ZMYND8: variants seen among roughly 807,000 people sequenced by gnomAD.
The protein encoded by ZMYND8 is zinc finger MYND-type containing 8.
ZMYND8 carries 37 observed loss-of-function variants against 140.8 expected under a neutral mutation model. The ratio of observed to expected loss-of-function variants is 0.26; its 90% confidence interval spans 0.20 to 0.35. ZMYND8 has a LOEUF of 0.35. Among genes scored for constraint, ZMYND8 ranks in the 10% least tolerant of loss-of-function variants. The probability of loss-of-function intolerance (pLI) is 1.00; values close to 1 mark genes in which losing one functional copy is unlikely to be tolerated. For missense variants in ZMYND8, 1,068 were observed against 1,570.0 expected, an observed-to-expected ratio of 0.68 and a Z score of 5.40; for synonymous variants, 592 against 597.1, an observed-to-expected ratio of 0.99 and a Z score of 0.12.
Position 47,276,737 on chromosome 20 carries a change from T to G in ZMYND8, c.1057A>C (p.Lys353Gln). The part of the protein sequence containing the change: ...LMSKEIPFSV[K>Q]KTKSIFNSAM... ...CTGTTGAAGATGCTCTTAGTCTTTT[T>G]CACAGAAAAAGGAATTTCTTTAGAC... The change falls in exon 11 of 23, where the codon AAA becomes CAA. Residue 353 changes from lysine to glutamine, a missense_variant. Around this residue, in one of 10 missense-constraint regions of ZMYND8, gnomAD observed 49 missense variants for 94.1 expected, o/e 0.52. Coordinates refer to ENST00000471951, the MANE Select transcript of ZMYND8 (RefSeq NM_001281775.3). 1 of 1,613,818 alleles carries G rather than the reference T, an allele frequency of 6.2e-7. No individual in the cohort carries two copies. The highest frequency in any genetic ancestry group is 1.7e-5 in the Admixed American group (1 of 59,952).
At chr20:47,268,495 A>G (rs1212432451) in intron 11 of ZMYND8, among the ~76,000 whole-genome samples, 1 of 151,150 alleles carries the variant, frequency 6.6e-6, no homozygotes, top group Non-Finnish European at 1.5e-5. Context: ...GTGTTTCACC[A>G]TGTTAGCCAG....
chr20:47,269,520 C>CTAAT (rs1392791165), intron 11 of ZMYND8, among the ~76,000 whole-genome samples: 1 of 152,252 alleles, frequency 6.6e-6, no homozygotes, highest in Non-Finnish European at 1.5e-5. Context: ...AAAGGAAGAA[C>CTAAT]TAATTGCCTC....
At chr20:47,232,547 T>C (rs2147099565) in intron 16 of ZMYND8, among the ~76,000 whole-genome samples, 1 of 152,090 alleles carries the variant, frequency 6.6e-6, no homozygotes, top group South Asian at 2.1e-4. Flanking sequence ...TTTCTTTTAG[T>C]AATTTTTTAA....
In ZMYND8 at chr20:47,227,197, C is replaced by T. The variant is rs368495234; in HGVS notation, c.3016+6G>A. On this transcript the variant is annotated splice_donor_region_variant and intron_variant, in intron 18 of 22. Coordinates refer to ENST00000471951, the MANE Select transcript of ZMYND8 (RefSeq NM_001281775.3). ...CCTCAGTCCAGACCAGTGTGTCAGGCCTTACCTAAGTTGTGTTTCATTTCG... is the reference window on the plus strand; with the variant it reads ...CCTCAGTCCAGACCAGTGTGTCAGGTCTTACCTAAGTTGTGTTTCATTTCG... 4.8e-5 allele frequency: 77 copies of T among 1,614,160 alleles called. No homozygotes were observed. The African/African-American group carries it at 9.1e-4, about 19-fold the overall frequency.
intron 3 of ZMYND8, among the ~76,000 whole-genome samples, chr20:47,303,726 T>C (rs922323980): frequency 6.6e-6 from 1 of 151,818 alleles, no homozygotes; most frequent in African/African-American, 2.4e-5. Flanking sequence ...AAGAATCAAA[T>C]ATGACTGTAC....
chr20:47,242,871 A>C (rs2040140058), intron 14 of ZMYND8, among the ~76,000 whole-genome samples: 1 of 152,218 alleles, frequency 6.6e-6, no homozygotes, highest in South Asian at 2.1e-4. Flanking sequence ...GTACATAATC[A>C]ATCACCTGTA....
At chr20:47,237,665 G>T (rs2039420151) in intron 15 of ZMYND8, 1 of 152,212 alleles carries the variant, frequency 6.6e-6, no homozygotes, top group Admixed American at 6.5e-5. Context: ...TCTGTGAAGG[G>T]TTTCACTGGG....
In ZMYND8 at chr20:47,221,367, T is replaced by C. The variant is rs755898914; in HGVS notation, c.3364A>G (p.Ser1122Gly). Reference protein sequence around the residue: ...STQSAPSETASASKEKETSAE... With the variant: ...STQSAPSETAGASKEKETSAE... Reference sequence around the variant, plus strand: ...GACGTCTCCTTCTCTTTGGAGGCGCTGGCCGTTTCTGAAGGTGCTGATTGT... The same window carrying C: ...GACGTCTCCTTCTCTTTGGAGGCGCCGGCCGTTTCTGAAGGTGCTGATTGT... Residue 1122 changes from serine (S) to glycine (G), a missense_variant, in exon 20 of 23, where the codon AGC becomes GGC. Around this residue, in one of 10 missense-constraint regions of ZMYND8, gnomAD observed 180 missense variants for 187.8 expected, o/e 0.96. Transcript: ENST00000471951. 3.1e-6 allele frequency: 5 copies of C among 1,614,204 alleles called. 1 individual carries two copies. The highest frequency in any genetic ancestry group is 2.7e-5 in the African/African-American group (2 of 75,060).
intron 12 of ZMYND8, among the ~76,000 whole-genome samples, chr20:47,254,874 C>A (rs1389012075): frequency 1.3e-5 from 2 of 152,182 alleles, no homozygotes; most frequent in Non-Finnish European, 2.9e-5. Flanking sequence ...TGCCTGCAAT[C>A]CCAGCATTTT....
At chr20:47,265,026 G>C in intron 11 of ZMYND8, among the ~76,000 whole-genome samples, 1 of 119,818 alleles carries the variant, frequency 8.3e-6, no homozygotes, top group East Asian at 2.4e-4. Context: ...CACAGAGAGA[G>C]ACCCTGTCCC....
chr20:47,268,588 C>T (rs963870212), intron 11 of ZMYND8, among the ~76,000 whole-genome samples: 11 of 151,718 alleles, frequency 7.3e-5, no homozygotes, highest in Non-Finnish European at 1.2e-4. Context: ...CCACTGTGCC[C>T]GGCCCTGGTG....
rs1042306005 is a variant in ZMYND8 at position 47,313,996 on chromosome 20, A to G, written c.86-3792T>C. Reference sequence around the variant, plus strand: ...TAATGGACCAATATTCCTCCCAAAAAAAGATTTAATATACACATCAATGTT... The same window carrying G: ...TAATGGACCAATATTCCTCCCAAAAGAAGATTTAATATACACATCAATGTT... On this transcript the variant is annotated intron_variant, in intron 2 of 22. Coordinates refer to ENST00000471951, the MANE Select transcript of ZMYND8 (RefSeq NM_001281775.3). Among the ~76,000 whole-genome samples, 4 of 152,306 alleles carry G rather than the reference A, an allele frequency of 2.6e-5. No homozygotes were observed. The East Asian group carries it at 7.7e-4, about 29-fold the overall frequency.
chr20:47,337,289 C>T (rs1378818398), intron 2 of ZMYND8, among the ~76,000 whole-genome samples: 2 of 152,038 alleles, frequency 1.3e-5, no homozygotes, highest in Non-Finnish European at 2.9e-5. Flanking sequence ...GAGGCGGAGG[C>T]TGCAGTAAGC....
intron 11 of ZMYND8, among the ~76,000 whole-genome samples, chr20:47,267,232 C>A (rs748047867): frequency 2.1e-5 from 3 of 145,562 alleles, no homozygotes; most frequent in African/African-American, 7.8e-5. Context: ...TTGTTAGGGG[C>A]AGGCTGTGGG....
intron 11 of ZMYND8, 44 bp from the exon 12 acceptor site, chr20:47,262,472 C>T: frequency 6.2e-7 from 1 of 1,611,758 alleles, no homozygotes; most frequent in South Asian, 1.1e-5. Context: ...TACAAATAAA[C>T]AAGTAGAACG....
intron 13 of ZMYND8, 148 bp from the exon 14 acceptor site, chr20:47,246,665 A>C: frequency 3.3e-6 from 4 of 1,198,264 alleles, no homozygotes; most frequent in Non-Finnish European, 3.4e-6. Flanking sequence ...GCCAGTAATA[A>C]TCTCAAGTGG....
At chr20:47,313,317 A>G (rs2079087874) in intron 2 of ZMYND8, among the ~76,000 whole-genome samples, 1 of 151,964 alleles carries the variant, frequency 6.6e-6, no homozygotes, top group Non-Finnish European at 1.5e-5. Flanking sequence ...CCGCATCTAC[A>G]AAAAATATAA....
Position 47,294,721 on chromosome 20 carries a change from A to G in ZMYND8, c.512T>C (p.Ile171Thr), listed in dbSNP as rs373916187. The change falls in exon 5 of 23, where the codon ATT (isoleucine) becomes ACT (threonine). Residue 171 changes from isoleucine (I) to threonine (T), a missense_variant. Ile to Thr is a moderately conservative substitution (Grantham distance 89). Transcript: ENST00000471951. ...CTTGAGCAGGTAGGATAACTGTTCA[A>G]TGGTGAGCATTGTCATGGCTTTACT... Reference protein sequence around the residue: ...TQSKAMTMLTIEQLSYLLKFA... With the variant: ...TQSKAMTMLTTEQLSYLLKFA... 9.3e-6 allele frequency: 15 copies of G among 1,613,880 alleles called. No individual in the cohort carries two copies. In the African/African-American group the frequency reaches 2.0e-4, roughly 22 times the overall value.
At chr20:47,296,740 G>A (rs1460928950) in intron 4 of ZMYND8, among the ~76,000 whole-genome samples, 2 of 152,166 alleles carry the variant, frequency 1.3e-5, no homozygotes, top group Admixed American at 1.3e-4. Flanking sequence ...AGGATCGCTT[G>A]AGCCTAGGAG....
Sources: allele counts gnomAD v4.1 joint callset (sites outside exome capture counted in the v4.1 genomes callset), GRCh38; gene constraint gnomAD v4.1.1; regional missense constraint gnomAD v4.1.1; transcripts MANE v1.5; gene names NCBI Gene and HGNC (gene_info 2026-07-23, HGNC 2026-07-21).